Variants in GALNT1 observed in about 807,000 individuals in gnomAD.
GALNT1 encodes the protein polypeptide N-acetylgalactosaminyltransferase 1.
GALNT1 carries 17 observed loss-of-function variants against 65.7 expected under a neutral mutation model. The observed-to-expected ratio is 0.26, with a 90% CI of 0.18 to 0.39. GALNT1 has a LOEUF of 0.39. GALNT1 is among the 10% of genes least tolerant of loss of function. The pLI is 1.00. For missense variants in GALNT1, 460 were observed against 672.8 expected (o/e 0.68, Z 3.50); for synonymous variants, 210 against 219.7 (o/e 0.96, Z 0.39).
intron 1 of GALNT1, among the ~76,000 whole-genome samples, chr18:35,585,550 C>T (rs2143826675): frequency 6.6e-6 from 1 of 152,320 alleles, no homozygotes; most frequent in Non-Finnish European, 1.5e-5. Flanking sequence ...CTGTAATAGT[C>T]ACATTGAAAC....
rs892946157 is a variant in GALNT1 at position 35,604,242 on chromosome 18, C to T, written c.-104+22380C>T. ...TTTGCATTCATGTTGTTGCAAAGGACGTGATTTTGTTCTTTTAAATGGCTG... is the reference window on the plus strand; with the variant it reads ...TTTGCATTCATGTTGTTGCAAAGGATGTGATTTTGTTCTTTTAAATGGCTG... On this transcript the variant is annotated intron_variant, in intron 1 of 11. Transcript: ENST00000269195. 7.2e-5 allele frequency among the ~76,000 whole-genome samples: 11 copies of T among 152,080 alleles called. 1 individual carries two copies. The highest frequency in any genetic ancestry group is 5.8e-4 in the East Asian group (3 of 5,192).
At chr18:35,659,383 G>T (rs546501393) in intron 2 of GALNT1, among the ~76,000 whole-genome samples, 39 of 152,268 alleles carry the variant, frequency 2.6e-4, no homozygotes, top group African/African-American at 9.4e-4. Context: ...CTCCAGAGGG[G>T]TTTGTTTTTT....
intron 1 of GALNT1, among the ~76,000 whole-genome samples, chr18:35,642,337 A>G (rs2047174816): frequency 6.6e-6 from 1 of 152,220 alleles, no homozygotes; most frequent in South Asian, 2.1e-4. Flanking sequence ...AATCTCAGAA[A>G]CAGTGTTAGA....
intron 9 of GALNT1, among the ~76,000 whole-genome samples, chr18:35,697,766 G>T (rs1262827045): frequency 1.3e-5 from 2 of 152,174 alleles, no homozygotes; most frequent in Non-Finnish European, 2.9e-5. Flanking sequence ...TGTGATTCAA[G>T]TAGAAAAGTT....
intron 9 of GALNT1, among the ~76,000 whole-genome samples, chr18:35,697,622 G>C (rs1261481959): frequency 6.6e-6 from 1 of 152,170 alleles, no homozygotes; most frequent in Non-Finnish European, 1.5e-5. Context: ...CACAGTCTTA[G>C]AGTAAATAAC....
intron 9 of GALNT1, among the ~76,000 whole-genome samples, chr18:35,699,468 T>C (rs369381832): frequency 1.7e-4 from 26 of 152,220 alleles, no homozygotes; most frequent in Admixed American, 7.2e-4. Flanking sequence ...CTTTCCAGGA[T>C]AGTCAAGAGG....
chr18:35,667,849 T>C (rs977709581), intron 3 of GALNT1, among the ~76,000 whole-genome samples: 1 of 152,196 alleles, frequency 6.6e-6, no homozygotes, highest in Non-Finnish European at 1.5e-5. Context: ...TCAAGTAAAT[T>C]GTGTGGTTGT....
intron 3 of GALNT1, among the ~76,000 whole-genome samples, chr18:35,665,364 A>G (rs572632316): frequency 2.6e-4 from 40 of 152,298 alleles, no homozygotes; most frequent in Middle Eastern, 6.8e-3. Context: ...GTAAAATTAT[A>G]TGAACATTGA....
At chr18:35,613,128 T>G (rs915105994) in intron 1 of GALNT1, among the ~76,000 whole-genome samples, 1 of 152,220 alleles carries the variant, frequency 6.6e-6, no homozygotes, top group East Asian at 1.9e-4. Flanking sequence ...AGTTTACTTA[T>G]GTTTATTATT....
intron 1 of GALNT1, among the ~76,000 whole-genome samples, chr18:35,614,485 C>T (rs2046757903): frequency 6.6e-6 from 1 of 152,126 alleles, no homozygotes; most frequent in African/African-American, 2.4e-5. Flanking sequence ...CTACAGCAAA[C>T]ATAGTATTTG....
chr18:35,690,941 AT>A, intron 7 of GALNT1, 70 bp from the exon 8 acceptor site: 1 of 1,350,146 alleles, frequency 7.4e-7, no homozygotes, highest in Non-Finnish European at 1.0e-6. Context: ...GAAAAATACT[AT>A]GGGAAAACTA....
chr18:35,626,650 A>G (rs2046920885), intron 1 of GALNT1, among the ~76,000 whole-genome samples: 1 of 152,194 alleles, frequency 6.6e-6, no homozygotes, highest in African/African-American at 2.4e-5. Context: ...AAGTTCAGAC[A>G]TTGGGAGGTC....
intron 1 of GALNT1, among the ~76,000 whole-genome samples, chr18:35,609,297 A>C (rs1019528437): frequency 6.6e-6 from 1 of 151,790 alleles, no homozygotes; most frequent in Non-Finnish European, 1.5e-5. Flanking sequence ...TTTAATACAA[A>C]AAAAATTCAG....
chr18:35,677,700 C>T lies in GALNT1; in HGVS notation c.424C>T (p.Arg142Cys). Residue 142 changes from arginine (R) to cysteine (C), a missense_variant, in exon 4 of 12, where the codon CGC becomes TGC. Coordinates refer to ENST00000269195, the MANE Select transcript of GALNT1 (RefSeq NM_020474.4). ...LLRTVHSVINRSPRHMIEEIV... is the reference protein window; with the variant it reads ...LLRTVHSVINCSPRHMIEEIV... ...GCGAACTGTCCATAGTGTCATTAAT[C>T]GCTCACCAAGACACATGATAGAAGA... 6.8e-6 allele frequency: 11 copies of T among 1,612,718 alleles called. No individual in the cohort carries two copies. The highest frequency in any genetic ancestry group is 5.5e-5 in the South Asian group (5 of 90,908).
intron 1 of GALNT1, among the ~76,000 whole-genome samples, chr18:35,636,764 A>G (rs2144251123): frequency 7.1e-6 from 1 of 141,616 alleles, no homozygotes; most frequent in East Asian, 2.0e-4. Context: ...GTTTTATTGT[A>G]CTTCACAGAT....
In GALNT1 at chr18:35,589,080, G is replaced by A. The variant is rs183631335; in HGVS notation, c.-104+7218G>A. The stretch of plus-strand genomic sequence containing the variant: ...CCACCCTGGCGGGGGAAGGTTGGTG[G>A]GGAGGGCACATGGCACTGTCTAGTG... On this transcript the variant is annotated intron_variant, in intron 1 of 11. Transcript: ENST00000269195. Among the ~76,000 whole-genome samples the A allele has an allele frequency of 1.4e-4, 22 of 152,298 alleles. No homozygotes were observed. In the East Asian group the frequency reaches 3.9e-3, roughly 27 times the overall value.
chr18:35,689,846 A>T (rs1460092639), intron 7 of GALNT1, among the ~76,000 whole-genome samples: 4 of 152,248 alleles, frequency 2.6e-5, no homozygotes, highest in Non-Finnish European at 5.9e-5. Flanking sequence ...ATGGCATTGC[A>T]TATTTTTGCA....
At chr18:35,706,943 TTTATACA>T (rs942429848) in intron 11 of GALNT1, among the ~76,000 whole-genome samples, 8 of 152,214 alleles carry the variant, frequency 5.3e-5, no homozygotes, top group African/African-American at 1.9e-4. Flanking sequence ...CAGGATACTT[TTTATACA>T]AGTAGAAATT....
At chr18:35,603,198 C>T (rs1373833141) in intron 1 of GALNT1, among the ~76,000 whole-genome samples, 1 of 152,096 alleles carries the variant, frequency 6.6e-6, no homozygotes, top group Non-Finnish European at 1.5e-5. Context: ...GAACAGGGAA[C>T]CCAAGCTGGT....
Sources: allele counts gnomAD v4.1 joint callset (sites outside exome capture counted in the v4.1 genomes callset), GRCh38; gene constraint gnomAD v4.1.1; transcripts MANE v1.5; gene names NCBI Gene and HGNC (gene_info 2026-07-23, HGNC 2026-07-21).